CDYL2: variants seen among roughly 807,000 people sequenced by gnomAD.
The protein encoded by CDYL2 is chromodomain Y like 2, also known as chromodomain Y-like protein 2.
Under a neutral mutation model 49.4 loss-of-function variants are expected in CDYL2, and 23 were observed. The observed-to-expected ratio is 0.47, with a 90% CI of 0.34 to 0.66. CDYL2 has a LOEUF of 0.66. CDYL2 is among the 30% of genes least tolerant of loss of function. The pLI, the probability that CDYL2 is intolerant of heterozygous loss-of-function variation, is 0.01. For missense variants in CDYL2, 678 were observed against 656.4 expected, an observed-to-expected ratio of 1.03 and a Z score of -0.36; for synonymous variants, 360 against 268.8, an observed-to-expected ratio of 1.34 and a Z score of -3.32.
At chr16:80,733,551 C>G (rs574076494) in intron 1 of CDYL2, among the ~76,000 whole-genome samples, 1 of 152,232 alleles carries the variant, frequency 6.6e-6, no homozygotes, top group South Asian at 2.1e-4. Context: ...GTCCCCTTGC[C>G]CTGGGGACAT....
At chr16:80,720,904 G>C (rs1201483804) in intron 1 of CDYL2, among the ~76,000 whole-genome samples, 1 of 152,186 alleles carries the variant, frequency 6.6e-6, no homozygotes, top group Non-Finnish European at 1.5e-5. Context: ...AGAGTCACAA[G>C]TGGGGTAACT....
intron 1 of CDYL2, among the ~76,000 whole-genome samples, chr16:80,797,904 A>T (rs1597138592): frequency 1.3e-5 from 2 of 152,332 alleles, no homozygotes; most frequent in Admixed American, 1.3e-4. Flanking sequence ...ACTTTGAAGG[A>T]CAATCTGGGA....
chr16:80,742,549 G>A (rs1264478818), intron 1 of CDYL2, among the ~76,000 whole-genome samples: 1 of 150,664 alleles, frequency 6.6e-6, no homozygotes. Flanking sequence ...AGAGTAGGTG[G>A]GTTGGGATGA....
intron 1 of CDYL2, among the ~76,000 whole-genome samples, chr16:80,779,610 G>T (rs1043746369): frequency 6.6e-6 from 1 of 151,882 alleles, no homozygotes; most frequent in Non-Finnish European, 1.5e-5. Context: ...AAAAAACCAA[G>T]TATAAAATCT....
intron 2 of CDYL2, among the ~76,000 whole-genome samples, chr16:80,662,953 T>C (rs1909108715): frequency 6.6e-6 from 1 of 151,958 alleles, no homozygotes; most frequent in African/African-American, 2.4e-5. Context: ...ACGACACAAG[T>C]CATTCTTTGT....
rs1909118234 is a variant in CDYL2 at position 80,663,163 on chromosome 16, C to T, written c.616+21375G>A. On this transcript the variant is annotated intron_variant, in intron 2 of 6. Coordinates refer to ENST00000570137, the MANE Select transcript of CDYL2 (RefSeq NM_152342.4). ...CAAAGCACTTTCCTTCCAGTCCATT[C>T]TCCCCAGTGTTCCAATCACTCTTAT... 2.0e-5 allele frequency among the ~76,000 whole-genome samples: 3 copies of T among 146,734 alleles called. No homozygotes were observed. The Admixed American group carries it at 2.1e-4, about 10-fold the overall frequency.
chr16:80,646,488 T>A (rs1465081331), intron 2 of CDYL2, among the ~76,000 whole-genome samples: 1 of 151,842 alleles, frequency 6.6e-6, no homozygotes, highest in Non-Finnish European at 1.5e-5. Flanking sequence ...ACAGAGTGGC[T>A]GAATTAAAAA....
intron 1 of CDYL2, among the ~76,000 whole-genome samples, chr16:80,715,302 G>T (rs1435244213): frequency 6.6e-6 from 1 of 152,088 alleles, no homozygotes; most frequent in African/African-American, 2.4e-5. Flanking sequence ...TGTGGGACCC[G>T]GAGTCATGAT....
At chr16:80,626,975 G>A (rs1415073159) in intron 3 of CDYL2, among the ~76,000 whole-genome samples, 1 of 152,086 alleles carries the variant, frequency 6.6e-6, no homozygotes, top group Non-Finnish European at 1.5e-5. Flanking sequence ...TAAGAGGCAC[G>A]ACCATGATTT....
At chr16:80,750,235 T>C (rs9931394) in intron 1 of CDYL2, among the ~76,000 whole-genome samples, 21,987 of 151,664 alleles carry the variant, frequency 0.14, 2,096 homozygotes, top group African/African-American at 0.27. Context: ...TAAAAATATA[T>C]TTTAAAAAAA....
At chr16:80,797,170 G>T (rs1052195621) in intron 1 of CDYL2, among the ~76,000 whole-genome samples, 9 of 152,084 alleles carry the variant, frequency 5.9e-5, no homozygotes, top group Admixed American at 4.6e-4. Context: ...CTATCGCCAT[G>T]TCAAATAGTG....
intron 1 of CDYL2, among the ~76,000 whole-genome samples, chr16:80,781,921 C>T (rs1323260384): frequency 1.3e-5 from 2 of 151,732 alleles, no homozygotes; most frequent in African/African-American, 2.4e-5. Context: ...GGGACATTTA[C>T]AGGTGTAAAC....
chr16:80,712,660 A>G (rs1904659891), intron 1 of CDYL2, among the ~76,000 whole-genome samples: 1 of 152,068 alleles, frequency 6.6e-6, no homozygotes, highest in African/African-American at 2.4e-5. Flanking sequence ...CCAAACCACA[A>G]TGGCCCCCAA....
At chr16:80,804,042 A>C (rs1331540747) in intron 1 of CDYL2, 108 bp downstream of exon 1, 3 of 792,398 alleles carry the variant, frequency 3.8e-6, no homozygotes, top group Non-Finnish European at 3.0e-6. Context: ...GGGCTCGGCA[A>C]CTCCGGATTG....
chr16:80,658,177 G>T (rs1358570867), intron 2 of CDYL2, among the ~76,000 whole-genome samples: 1 of 151,912 alleles, frequency 6.6e-6, no homozygotes. Context: ...TGGTTGGCAG[G>T]GAAAATTGAG....
At chr16:80,624,088 A>G (rs1256027679) in intron 3 of CDYL2, among the ~76,000 whole-genome samples, 2 of 152,136 alleles carry the variant, frequency 1.3e-5, no homozygotes, top group African/African-American at 4.8e-5. Context: ...ACTCCTTCCA[A>G]TCACAACCTT....
At chr16:80,782,845 C>A (rs1907317354) in intron 1 of CDYL2, among the ~76,000 whole-genome samples, 1 of 151,972 alleles carries the variant, frequency 6.6e-6, no homozygotes, top group African/African-American at 2.4e-5. Flanking sequence ...TAAAATGAAA[C>A]TCTCTTAACA....
At chr16:80,674,348 G>C (rs962249169) in intron 2 of CDYL2, among the ~76,000 whole-genome samples, 6 of 152,132 alleles carry the variant, frequency 3.9e-5, no homozygotes, top group African/African-American at 1.4e-4. Context: ...GCATTTAGAA[G>C]GCTCCCTTGC....
At chr16:80,703,931 G>A (rs1368520956) in intron 1 of CDYL2, among the ~76,000 whole-genome samples, 1 of 152,224 alleles carries the variant, frequency 6.6e-6, no homozygotes, top group East Asian at 1.9e-4. Flanking sequence ...GCGCAGGGTG[G>A]GTGCGCCCAT....
Sources: allele counts gnomAD v4.1 joint callset (sites outside exome capture counted in the v4.1 genomes callset), GRCh38; gene constraint gnomAD v4.1.1; transcripts MANE v1.5; gene names NCBI Gene and HGNC (gene_info 2026-07-23, HGNC 2026-07-21).